PPP1R9A: variants seen among roughly 807,000 people sequenced by gnomAD.
PPP1R9A encodes the protein neurabin-1.
In PPP1R9A, 59 loss-of-function variants were observed where a neutral mutation model predicts 141.9. That is an observed-to-expected ratio of 0.42 (90% CI 0.34 to 0.52). PPP1R9A has a LOEUF of 0.52. Ranked by LOEUF, PPP1R9A falls within the 20% of genes least tolerant of loss-of-function variation. The pLI is 0.10. For synonymous variants in PPP1R9A, 500 were observed against 569.7 expected, an observed-to-expected ratio of 0.88 and a Z score of 1.74; for missense variants, 1,444 against 1,611.9, an observed-to-expected ratio of 0.90 and a Z score of 1.78.
At chr7:95,169,044 A>G (rs1305384074) in intron 5 of PPP1R9A, among the ~76,000 whole-genome samples, 1 of 152,098 alleles carries the variant, frequency 6.6e-6, no homozygotes, top group East Asian at 1.9e-4. Flanking sequence ...GTGTTTATTT[A>G]AAGAAAAGAA....
chr7:95,260,676 C>CAAA (rs5885903), intron 12 of PPP1R9A, among the ~76,000 whole-genome samples: 1 of 119,174 alleles, frequency 8.4e-6, no homozygotes, highest in Non-Finnish European at 1.8e-5. Context: ...GACTCTGACT[C>CAAA]AAAAAAAAAA....
chr7:95,091,940 A>C (rs944237533), intron 2 of PPP1R9A, among the ~76,000 whole-genome samples: 18 of 151,908 alleles, frequency 1.2e-4, no homozygotes, highest in Non-Finnish European at 2.4e-4. Flanking sequence ...TCTTTGGGCC[A>C]ACTGTCTGTC....
chr7:95,221,362 T>G lies in PPP1R9A; in HGVS notation c.1957-4599T>G, dbSNP rs116833043. On this transcript the variant is annotated intron_variant, in intron 7 of 19. Transcript: ENST00000433360. ...TCTCAGGACCAGGACTTGAACACAGTTCTACGTGACTTCAAAACCAAAATC... is the reference window on the plus strand; with the variant it reads ...TCTCAGGACCAGGACTTGAACACAGGTCTACGTGACTTCAAAACCAAAATC... 4.3e-3 allele frequency among the ~76,000 whole-genome samples: 648 copies of G among 152,170 alleles called. 4 individuals carry two copies. The highest frequency in any genetic ancestry group is 0.014 in the African/African-American group (584 of 41,536).
intron 8 of PPP1R9A, among the ~76,000 whole-genome samples, chr7:95,230,886 G>T (rs1795825893): frequency 6.6e-6 from 1 of 152,076 alleles, no homozygotes. Flanking sequence ...AGCACAATGA[G>T]TAGAATAGTA....
chr7:95,073,349 G>A (rs1376446225), intron 2 of PPP1R9A, among the ~76,000 whole-genome samples: 1 of 152,012 alleles, frequency 6.6e-6, no homozygotes, highest in Non-Finnish European at 1.5e-5. Flanking sequence ...TACATGTAAA[G>A]CTACCGGAAT....
chr7:94,925,471 C>T (rs968599704), intron 2 of PPP1R9A, among the ~76,000 whole-genome samples: 1 of 151,922 alleles, frequency 6.6e-6, no homozygotes, highest in South Asian at 2.1e-4. Flanking sequence ...ACTCATTTTT[C>T]CCCCCACATG....
chr7:95,190,684 CCCAGAGTTTTTGG>C (rs1308049864), intron 5 of PPP1R9A, among the ~76,000 whole-genome samples: 1 of 152,164 alleles, frequency 6.6e-6, no homozygotes, highest in Non-Finnish European at 1.5e-5. Context: ...TCAAGAGAGC[CCCAGAGTTTTTGG>C]CCTGTCTTTC....
At position 95,171,631 on chromosome 7, in the gene PPP1R9A, C is replaced by T. The variant is rs1037577300; in HGVS notation, c.1754+9660C>T. ...TGGAAGACAGTGCTATGAAAAATTA[C>T]CAAAGTTCACTCAAGAAAAAATTGT... On this transcript the variant is annotated intron_variant, in intron 5 of 19. Coordinates refer to ENST00000433360, the MANE Select transcript of PPP1R9A (RefSeq NM_001166160.2). Among the ~76,000 whole-genome samples, 15 of 151,560 alleles carry T rather than the reference C, an allele frequency of 9.9e-5. No homozygotes were observed. The East Asian group carries it at 1.5e-3, about 16-fold the overall frequency.
intron 2 of PPP1R9A, chr7:95,036,974 A>G (rs1410300537): frequency 6.6e-6 from 1 of 152,218 alleles, no homozygotes; most frequent in Non-Finnish European, 1.5e-5. Context: ...GCTGTCGTTC[A>G]TACACAGGAA....
At chr7:95,123,049 TG>T (rs1822916626) in intron 4 of PPP1R9A, among the ~76,000 whole-genome samples, 1 of 151,342 alleles carries the variant, frequency 6.6e-6, no homozygotes, top group Admixed American at 6.6e-5. Context: ...ACAGATGTCC[TG>T]AAAAAAAAAA....
intron 2 of PPP1R9A, among the ~76,000 whole-genome samples, chr7:94,960,084 A>G (rs1001182889): frequency 2.7e-5 from 4 of 150,156 alleles, no homozygotes; most frequent in African/African-American, 9.8e-5. Context: ...TGGATTTTCT[A>G]TTTCTTTGGC....
intron 16 of PPP1R9A, among the ~76,000 whole-genome samples, chr7:95,279,807 T>G (rs1226730725): frequency 6.6e-6 from 1 of 152,224 alleles, no homozygotes; most frequent in Admixed American, 6.5e-5. Flanking sequence ...AGATTTCTAT[T>G]CATACAAATT....
chr7:95,161,574 C>T (rs187103473), intron 4 of PPP1R9A, among the ~76,000 whole-genome samples: 1 of 152,226 alleles, frequency 6.6e-6, no homozygotes, highest in East Asian at 1.9e-4. Context: ...TGGATTACTT[C>T]TAATATGTAA....
intron 2 of PPP1R9A, among the ~76,000 whole-genome samples, chr7:95,098,814 T>C (rs1271503394): frequency 6.6e-6 from 1 of 152,202 alleles, no homozygotes; most frequent in Non-Finnish European, 1.5e-5. Flanking sequence ...CTTTTCATGA[T>C]ACTCTTTACC....
At chr7:95,190,595 C>T (rs940164443) in intron 5 of PPP1R9A, among the ~76,000 whole-genome samples, 2 of 152,084 alleles carry the variant, frequency 1.3e-5, no homozygotes, top group South Asian at 2.1e-4. Flanking sequence ...TGTCTTCTCC[C>T]TCCTTGGAAC....
intron 2 of PPP1R9A, among the ~76,000 whole-genome samples, chr7:95,064,708 A>G (rs1031445705): frequency 6.6e-6 from 1 of 152,234 alleles, no homozygotes; most frequent in African/African-American, 2.4e-5. Flanking sequence ...CAACTTTTCA[A>G]ATATTGAAAT....
intron 2 of PPP1R9A, among the ~76,000 whole-genome samples, chr7:94,962,062 C>G (rs1797704573): frequency 6.6e-6 from 1 of 151,900 alleles, no homozygotes; most frequent in African/African-American, 2.4e-5. Context: ...ATCCCCTAGT[C>G]TTAATTTAAA....
chr7:95,065,703 T>C (rs934481849), intron 2 of PPP1R9A, among the ~76,000 whole-genome samples: 2 of 152,204 alleles, frequency 1.3e-5, no homozygotes, highest in African/African-American at 4.8e-5. Context: ...ACAGCTCGGT[T>C]GTACTTTGTC....
intron 2 of PPP1R9A, among the ~76,000 whole-genome samples, chr7:94,941,644 CAAAATT>C (rs1795341865): frequency 6.6e-6 from 1 of 151,286 alleles, no homozygotes; most frequent in Non-Finnish European, 1.5e-5. Flanking sequence ...ACCCGTTTCT[CAAAATT>C]AAAAGCCACT....
Sources: gnomAD v4.1 joint callset for allele counts (sites outside exome capture counted in the v4.1 genomes callset) on GRCh38, gnomAD v4.1.1 for gene constraint, MANE v1.5 for transcripts, NCBI Gene and HGNC (gene_info 2026-07-23, HGNC 2026-07-21) for gene names.